Variants in PSIP1 observed in about 807,000 individuals in gnomAD.
The protein encoded by PSIP1 is PC4 and SRSF1 interacting protein 1.
A neutral mutation model predicts 74.7 loss-of-function variants in PSIP1; 19 were observed. That is an observed-to-expected ratio of 0.25 (90% CI 0.18 to 0.37). PSIP1 has a LOEUF of 0.37. Among genes scored for constraint, PSIP1 ranks in the 10% least tolerant of loss-of-function variants. The pLI is 1.00. For missense variants in PSIP1, 601 were observed against 614.3 expected (o/e 0.98, Z 0.23); for synonymous variants, 222 against 195.3 (o/e 1.14, Z -1.14).
rs2035736975 is a variant in PSIP1, at chr9:15,469,008, G to A, written c.1155C>T (p.Val385=). 1 of 1,613,804 alleles carries A rather than the reference G, an allele frequency of 6.2e-7. No individual in the cohort carries two copies. The highest frequency in any genetic ancestry group is 1.1e-5 in the South Asian group (1 of 91,056). The change falls in exon 13 of 16, where the codon GTC becomes GTT. Residue 385 remains valine (V), a synonymous_variant. Coordinates refer to ENST00000380733, the MANE Select transcript of PSIP1 (RefSeq NM_033222.5). ...EALDELASLQ[V]TMQQAQKHTE... ...TGTGTTTCTGAGCTTGTTGCATTGT[G>A]ACCTGAAGTGAAGCAAGTTCATCCA...
intron 3 of PSIP1, among the ~76,000 whole-genome samples, chr9:15,494,594 T>C (rs57830890): frequency 3.8e-3 from 273 of 71,610 alleles, no homozygotes; most frequent in African/African-American, 0.012. Context: ...AAAAAAAAAA[T>C]ACACACACAC....
chr9:15,510,722 C>A (rs2037830808), intron 1 of PSIP1, 95 bp downstream of exon 1: 1 of 152,326 alleles, frequency 6.6e-6, no homozygotes, highest in Non-Finnish European at 1.5e-5. Context: ...GCCTCGGCCC[C>A]CTCGGCTCCC....
In PSIP1 at chr9:15,484,827, T is replaced by C. The variant is rs1366629586; in HGVS notation, c.456+1179A>G. Among the ~76,000 whole-genome samples the C allele has an allele frequency of 4.0e-5, 6 of 150,314 alleles. 1 individual carries two copies. Among genetic ancestry groups the C allele is most frequent in the Non-Finnish European group, 8.9e-5 (6 of 67,674 alleles). On this transcript the variant is annotated intron_variant, in intron 6 of 15. Coordinates refer to ENST00000380733, the MANE Select transcript of PSIP1 (RefSeq NM_033222.5). ...ACTTGGGAGGCCGAGGCAAGAGAAT[T>C]GTTTGAATTCGGGAGGTGGAGGTTG... is the stretch of plus-strand genomic sequence containing the variant.
At position 15,486,939 on chromosome 9, in the gene PSIP1, C is replaced by G. The variant is rs551153418; in HGVS notation, c.289-8G>C. ...TGATTGTTTAGTTGCTGCCTGTGAG[C>G]AATCAACTCTATTAATTTCAAAAAA... On this transcript the variant is annotated splice_polypyrimidine_tract_variant and splice_region_variant and intron_variant, in intron 4 of 15. Transcript: ENST00000380733. 4.5e-6 allele frequency: 7 copies of G among 1,547,894 alleles called. No individual in the cohort carries two copies. The East Asian group carries it at 9.0e-5, about 20-fold the overall frequency.
chr9:15,474,504 G>A (rs1453765022), intron 8 of PSIP1, among the ~76,000 whole-genome samples: 1 of 152,118 alleles, frequency 6.6e-6, no homozygotes, highest in Non-Finnish European at 1.5e-5. Flanking sequence ...AGACACACTG[G>A]GACAAATGGA....
At chr9:15,466,182 G>A (rs577244840) in intron 15 of PSIP1, among the ~76,000 whole-genome samples, 7 of 152,224 alleles carry the variant, frequency 4.6e-5, no homozygotes, top group East Asian at 1.9e-4. Context: ...GTTCGAGGCC[G>A]GGCTGGCCAA....
At chr9:15,486,550 T>TA (rs1190666817) in intron 5 of PSIP1, among the ~76,000 whole-genome samples, 2 of 151,970 alleles carry the variant, frequency 1.3e-5, no homozygotes, top group Non-Finnish European at 2.9e-5. Flanking sequence ...CACTTCTCTT[T>TA]AAAAAAAATC....
intron 3 of PSIP1, among the ~76,000 whole-genome samples, chr9:15,494,640 T>A (rs2036992452): frequency 6.6e-6 from 1 of 151,732 alleles, no homozygotes; most frequent in South Asian, 2.1e-4. Context: ...AAAAGTCAGC[T>A]TTATTATTTA....
In PSIP1 at chr9:15,478,492, G is replaced by A. The variant is rs755835945; in HGVS notation, c.614C>T (p.Pro205Leu). 8.1e-6 allele frequency: 13 copies of A among 1,595,132 alleles called. No individual in the cohort carries two copies. The highest frequency in any genetic ancestry group is 1.0e-5 in the Non-Finnish European group (12 of 1,163,326). ...ATAAACTCACATGTCACTCTCTGAA[G>A]GACAGGGCTGTTTTACCATTTTGGG... ...GRPKMVKQPC[P>L]SESDIITEED... Residue 205 changes from proline (P) to leucine (L), a missense_variant, in exon 8 of 16, where the codon CCT (proline) becomes CTT (leucine). Physicochemically the swap from Pro to Leu is moderately conservative, Grantham distance 98. Coordinates refer to ENST00000380733, the MANE Select transcript of PSIP1 (RefSeq NM_033222.5).
At chr9:15,492,242 A>C (rs1481453449) in intron 3 of PSIP1, 3 of 152,248 alleles carry the variant, frequency 2.0e-5, no homozygotes, top group Non-Finnish European at 4.4e-5. Flanking sequence ...AATCAAAAGC[A>C]AGTTAAGTTA....
chr9:15,509,308 G>GT (rs2037741477), intron 2 of PSIP1, among the ~76,000 whole-genome samples: 1 of 152,122 alleles, frequency 6.6e-6, no homozygotes, highest in African/African-American at 2.4e-5. Flanking sequence ...ATCTATCTCT[G>GT]TTTGAGAGCC....
intron 4 of PSIP1, among the ~76,000 whole-genome samples, chr9:15,489,051 A>G (rs567819703): frequency 6.6e-6 from 1 of 152,262 alleles, no homozygotes; most frequent in Admixed American, 6.5e-5. Flanking sequence ...AATCACATCA[A>G]TACCAACACA....
Position 15,506,543 on chromosome 9 carries a change from A to T in PSIP1, c.149+18T>A. The stretch of plus-strand genomic sequence containing the variant: ...GTTAAATTAGCTCTGATTTGCCTTT[A>T]AAGCTAACAGGACTTACGTCTCATG... On this transcript the variant is annotated intron_variant, in intron 3 of 15. Coordinates refer to ENST00000380733, the MANE Select transcript of PSIP1 (RefSeq NM_033222.5). 1 of 1,570,158 alleles carries T rather than the reference A, an allele frequency of 6.4e-7. No individual in the cohort carries two copies. Among genetic ancestry groups the T allele is most frequent in the Non-Finnish European group, 8.8e-7 (1 of 1,141,406 alleles).
chr9:15,467,316 G>A (rs2035680950), intron 14 of PSIP1, among the ~76,000 whole-genome samples: 1 of 152,154 alleles, frequency 6.6e-6, no homozygotes, highest in African/African-American at 2.4e-5. Flanking sequence ...GCCTAATAAA[G>A]GGGGTTTTCC....
chr9:15,473,985 A>AT (rs2035965007), intron 9 of PSIP1, 24 bp downstream of exon 9: 1 of 1,539,778 alleles, frequency 6.5e-7, no homozygotes, highest in Non-Finnish European at 8.9e-7. Context: ...TAGAACAGCC[A>AT]TTTTATATAT....
chr9:15,500,073 T>C (rs2037260868), intron 3 of PSIP1, among the ~76,000 whole-genome samples: 2 of 152,254 alleles, frequency 1.3e-5, no homozygotes, highest in South Asian at 4.1e-4. Context: ...ATTATAAATA[T>C]TTTATATTTT....
At chr9:15,497,517 G>T (rs1476192721) in intron 3 of PSIP1, among the ~76,000 whole-genome samples, 1 of 151,850 alleles carries the variant, frequency 6.6e-6, no homozygotes. Context: ...AGTAGAGATG[G>T]GGTTTCACCA....
chr9:15,506,731 T>A, intron 2 of PSIP1, 94 bp from the exon 3 acceptor site: 1 of 951,414 alleles, frequency 1.1e-6, no homozygotes, highest in East Asian at 2.6e-5. Flanking sequence ...AAAAGGGTTC[T>A]GTTATAAAAT....
intron 3 of PSIP1, among the ~76,000 whole-genome samples, chr9:15,499,175 A>G (rs763883693): frequency 1.3e-5 from 2 of 152,196 alleles, no homozygotes; most frequent in Admixed American, 6.5e-5. Flanking sequence ...AGTGTTCCTT[A>G]AAGAGGTTTT....
Sources: gnomAD v4.1 joint callset for allele counts (sites outside exome capture counted in the v4.1 genomes callset) on GRCh38, gnomAD v4.1.1 for gene constraint, MANE v1.5 for transcripts, NCBI Gene and HGNC (gene_info 2026-07-23, HGNC 2026-07-21) for gene names.